The following AP1B1 variants were observed in gnomAD, a reference collection of about 807,000 sequenced individuals.
The protein encoded by AP1B1 is adaptor related protein complex 1 subunit beta 1, also known as AP-1 complex subunit beta-1.
Under a neutral mutation model 104.3 loss-of-function variants are expected in AP1B1, and 36 were observed. That is an observed-to-expected ratio of 0.35 (90% CI 0.26 to 0.46). AP1B1 has a LOEUF of 0.46. AP1B1 is among the 20% of genes least tolerant of loss of function. The probability of loss-of-function intolerance (pLI) is 1.00; values close to 1 mark genes in which losing one functional copy is unlikely to be tolerated. For missense variants in AP1B1, 901 were observed against 1,247.9 expected (o/e 0.72, Z 4.19); for synonymous variants, 504 against 517.5 (o/e 0.97, Z 0.35).
intron 13 of AP1B1, among the ~76,000 whole-genome samples, chr22:29,341,193 C>A (rs1254682992): frequency 6.6e-6 from 1 of 152,242 alleles, no homozygotes; most frequent in South Asian, 2.1e-4. Flanking sequence ...AGACAGGGAT[C>A]TGGAATGAGA....
At chr22:29,340,138 C>A (rs2061692891) in intron 14 of AP1B1, among the ~76,000 whole-genome samples, 2 of 152,272 alleles carry the variant, frequency 1.3e-5, no homozygotes, top group Middle Eastern at 3.4e-3. Context: ...CCTGAGGAAG[C>A]CCCAGGGAGA....
At position 29,354,828 on chromosome 22, in the gene AP1B1, C is replaced by A. The variant is rs200526044; in HGVS notation, c.760G>T (p.Ala254Ser). The change falls in exon 7 of 23, where the codon GCT becomes TCT. Residue 254 changes from alanine (A) to serine (S), a missense_variant. This residue lies in a region of AP1B1 where 471 missense variants were observed against 696.7 expected (regional missense o/e 0.68). Coordinates refer to ENST00000357586, the MANE Select transcript of AP1B1 (RefSeq NM_001127.4). ...VTPRLSHANS[A>S]VVLSAVKVLM... ...ACCTTCACAGCAGAGAGCACCACAGCGGAGTTGGCATGGGAGAGCCTGGGG... is the reference window on the plus strand; with the variant it reads ...ACCTTCACAGCAGAGAGCACCACAGAGGAGTTGGCATGGGAGAGCCTGGGG... The A allele has an allele frequency of 3.1e-6, 5 of 1,613,968 alleles. No homozygotes were observed. Among genetic ancestry groups the A allele is most frequent in the Middle Eastern group, 3.3e-4 (2 of 6,084 alleles).
chr22:29,354,745 G>C lies in AP1B1; in HGVS notation c.843C>G (p.Leu281=), dbSNP rs1270059524. 8 of 1,614,094 alleles carry C rather than the reference G, an allele frequency of 5.0e-6. No homozygotes were observed. Among genetic ancestry groups the C allele is most frequent in the East Asian group, 2.2e-5 (1 of 44,866 alleles). Residue 281 remains leucine, a synonymous_variant, in exon 7 of 23, where the codon CTC becomes CTG. Coordinates refer to ENST00000357586, the MANE Select transcript of AP1B1 (RefSeq NM_001127.4). Reference sequence around the variant, plus strand: ...TGACCAGGGGTGGGGCCAGCTTCTTGAGCAGTGTGCCGTAGTAGTCCAAGT... The same window carrying C: ...TGACCAGGGGTGGGGCCAGCTTCTTCAGCAGTGTGCCGTAGTAGTCCAAGT... ...SKDLDYYGTL[L]KKLAPPLVTL... is the part of the protein sequence containing the mutation.
chr22:29,330,386 T>C lies in AP1B1; in HGVS notation c.2758A>G (p.Ser920Gly), dbSNP rs1294943747. 3.1e-6 allele frequency: 5 copies of C among 1,613,266 alleles called. No homozygotes were observed. The highest frequency in any genetic ancestry group is 1.3e-5 in the African/African-American group (1 of 74,950). The change falls in exon 21 of 23, where the codon AGC becomes GGC. Residue 920 changes from serine to glycine, a missense_variant. Ser to Gly is a moderately conservative substitution (Grantham distance 56, BLOSUM62 0). Coordinates refer to ENST00000357586, the MANE Select transcript of AP1B1 (RefSeq NM_001127.4). ...GGTGCCGGGGCTCTCACCGTGCAGC[T>C]GGGGTTGCCCGGCTGGATCCGCAGC... ...AELRIQPGNP[S>G]CTDLELSLKC...
chr22:29,349,277 C>A lies in AP1B1; in HGVS notation c.1378G>T (p.Asp460Tyr), dbSNP rs747378931. Residue 460 changes from aspartate (D) to tyrosine (Y), a missense_variant, in exon 11 of 23, where the codon GAC becomes TAC. This residue lies in a region of AP1B1 where 471 missense variants were observed against 696.7 expected (regional missense o/e 0.68). Coordinates refer to ENST00000357586, the MANE Select transcript of AP1B1 (RefSeq NM_001127.4). Reference sequence around the variant, plus strand: ...CTCTCCAGCAGCTCATCTGCGTTGTCGATCCGTTCCGCGTACTCGCCCACA... The same window carrying A: ...CTCTCCAGCAGCTCATCTGCGTTGTAGATCCGTTCCGCGTACTCGCCCACA... ...WIVGEYAERI[D>Y]NADELLESFL... 1 of 1,613,988 alleles carries A rather than the reference C, an allele frequency of 6.2e-7. No individual in the cohort carries two copies.
chr22:29,349,163 CA>C (rs2061835328), intron 11 of AP1B1, 54 bp downstream of exon 11: 2 of 1,593,732 alleles, frequency 1.3e-6, no homozygotes, highest in Non-Finnish European at 1.7e-6. Context: ...GTATGGGCCA[CA>C]GTGGGGCTGA....
At chr22:29,378,996 T>C (rs927264510) in intron 1 of AP1B1, among the ~76,000 whole-genome samples, 1 of 152,166 alleles carries the variant, frequency 6.6e-6, no homozygotes, top group Non-Finnish European at 1.5e-5. Context: ...AGAACTCCAT[T>C]CTAGAATCAG....
At chr22:29,334,497 T>A in intron 16 of AP1B1, 87 bp from the exon 17 acceptor site, 4 of 1,444,876 alleles carry the variant, frequency 2.8e-6, no homozygotes, top group South Asian at 2.7e-5. Flanking sequence ...GCTTTTTCTC[T>A]CTCTCTCCTG....
At chr22:29,362,097 T>A (rs755723089) in intron 3 of AP1B1, among the ~76,000 whole-genome samples, 40 of 152,124 alleles carry the variant, frequency 2.6e-4, no homozygotes, top group Non-Finnish European at 2.5e-4. Context: ...CGGCCTCGAA[T>A]GGGTTTTTAA....
rs531794910 is a variant in AP1B1, at chr22:29,351,126, C to T, written c.1155+45G>A. 190 of 1,554,788 alleles carry T rather than the reference C, an allele frequency of 1.2e-4. No individual in the cohort carries two copies. The South Asian group carries it at 2.0e-3, about 17-fold the overall frequency. On this transcript the variant is annotated intron_variant, in intron 9 of 22. Transcript: ENST00000357586. ...AATCAGACTGGTTTCCCGGTTTCAG[C>T]CCCCTTTTCCTTCTCCAGCCAAGGA...
At chr22:29,355,712 A>G (rs919543246) in intron 6 of AP1B1, among the ~76,000 whole-genome samples, 2 of 152,064 alleles carry the variant, frequency 1.3e-5, no homozygotes, top group Non-Finnish European at 2.9e-5. Context: ...TCTGGGCAAC[A>G]TGGAGAAAAC....
chr22:29,354,914 G>A (rs750736317), intron 6 of AP1B1, 43 bp from the exon 7 acceptor site: 1 of 1,556,142 alleles, frequency 6.4e-7, no homozygotes, highest in South Asian at 1.1e-5. Context: ...GAAAGACAAG[G>A]GGAAACATTC....
At chr22:29,344,514 A>AC (rs2061760668) in intron 11 of AP1B1, among the ~76,000 whole-genome samples, 1 of 93,808 alleles carries the variant, frequency 1.1e-5, no homozygotes, top group Non-Finnish European at 2.0e-5. Flanking sequence ...CCTGGCCAAG[A>AC]TTTTTTTTTT....
intron 6 of AP1B1, among the ~76,000 whole-genome samples, chr22:29,355,632 C>T (rs536724052): frequency 2.0e-5 from 3 of 151,988 alleles, no homozygotes; most frequent in South Asian, 2.1e-4. Context: ...ACTGACACAA[C>T]GCATGTAAAG....
chr22:29,330,234 A>G, intron 21 of AP1B1, 144 bp downstream of exon 21: 1 of 1,489,758 alleles, frequency 6.7e-7, no homozygotes, highest in Non-Finnish European at 8.9e-7. Context: ...AGCTTTCTAG[A>G]AAGGTCCTTC....
chr22:29,386,265 T>G (rs1484707784), intron 1 of AP1B1, among the ~76,000 whole-genome samples: 1 of 152,232 alleles, frequency 6.6e-6, no homozygotes, highest in Non-Finnish European at 1.5e-5. Context: ...CAGGTCACAC[T>G]GCCAGGAAGC....
In AP1B1 at chr22:29,339,745, G is replaced by T. The variant is rs2147952127; in HGVS notation, c.2019+9C>A. 1 of 1,609,544 alleles carries T rather than the reference G, an allele frequency of 6.2e-7. No homozygotes were observed. The highest frequency in any genetic ancestry group is 1.7e-5 in the Admixed American group (1 of 59,600). On this transcript the variant is annotated intron_variant, in intron 15 of 22. Transcript: ENST00000357586. ...ACGAAGGCTTGGTGACGCAAGGGTTGAACCATACCCCTTCAGGCTCATCCC... is the reference window on the plus strand; with the variant it reads ...ACGAAGGCTTGGTGACGCAAGGGTTTAACCATACCCCTTCAGGCTCATCCC...
chr22:29,385,448 G>A (rs2062507036), intron 1 of AP1B1, among the ~76,000 whole-genome samples: 1 of 152,140 alleles, frequency 6.6e-6, no homozygotes, highest in African/African-American at 2.4e-5. Context: ...CTGGAGCTTG[G>A]GAAAAGGTGA....
chr22:29,382,244 G>A (rs747487707), intron 1 of AP1B1, among the ~76,000 whole-genome samples: 1 of 151,966 alleles, frequency 6.6e-6, no homozygotes, highest in Non-Finnish European at 1.5e-5. Context: ...GTGGAGTCTC[G>A]CTAAATTATC....
Sources: allele counts gnomAD v4.1 joint callset (sites outside exome capture counted in the v4.1 genomes callset), GRCh38; gene constraint gnomAD v4.1.1; regional missense constraint gnomAD v4.1.1; transcripts MANE v1.5; gene names NCBI Gene and HGNC (gene_info 2026-07-23, HGNC 2026-07-21).